The following OPCML variants were observed in gnomAD, a reference collection of about 807,000 sequenced individuals.
OPCML encodes the protein opioid-binding protein/cell adhesion molecule.
A neutral mutation model predicts 37.8 loss-of-function variants in OPCML; 13 were observed. That is an observed-to-expected ratio of 0.34 (90% CI 0.22 to 0.55). The LOEUF is 0.55. Among genes scored for constraint, OPCML ranks in the 20% least tolerant of loss-of-function variants. OPCML has a pLI of 0.91. For synonymous variants in OPCML, 176 were observed against 168.8 expected, an observed-to-expected ratio of 1.04 and a Z score of -0.33; for missense variants, 341 against 435.6, an observed-to-expected ratio of 0.78 and a Z score of 1.93.
chr11:133,003,845 G>C, intron 1 of OPCML: 1 of 985,390 alleles, frequency 1.0e-6, no homozygotes, highest in Non-Finnish European at 1.2e-6. Flanking sequence ...GAATAATGCA[G>C]ATCCTTGCCA....
chr11:132,705,355 C>T (rs1591490342), intron 2 of OPCML, among the ~76,000 whole-genome samples: 1 of 152,114 alleles, frequency 6.6e-6, no homozygotes, highest in Middle Eastern at 3.4e-3. Context: ...CTTTGGGAGG[C>T]TGAGGCAGGC....
intron 2 of OPCML, among the ~76,000 whole-genome samples, chr11:132,853,414 T>A (rs2136335208): frequency 6.6e-6 from 1 of 152,300 alleles, no homozygotes; most frequent in African/African-American, 2.4e-5. Flanking sequence ...TTTACAAAAT[T>A]GAGCATGGTA....
chr11:133,097,717 T>G (rs78945484), intron 1 of OPCML, among the ~76,000 whole-genome samples: 1,809 of 152,200 alleles, frequency 0.012, 18 homozygotes, highest in Non-Finnish European at 0.019. Context: ...ATTAAAAGGA[T>G]AGTAAAGAAA....
At chr11:133,271,928 T>A (rs1941851162) in intron 1 of OPCML, among the ~76,000 whole-genome samples, 1 of 152,232 alleles carries the variant, frequency 6.6e-6, no homozygotes, top group East Asian at 1.9e-4. Flanking sequence ...GCATCTGTGA[T>A]GCTCAGAGTC....
chr11:133,097,607 C>T (rs756351263), intron 1 of OPCML, among the ~76,000 whole-genome samples: 12 of 151,884 alleles, frequency 7.9e-5, no homozygotes, highest in East Asian at 1.9e-4. Flanking sequence ...ATCAATAAAA[C>T]GAATAAGCCT....
chr11:133,005,742 T>G, intron 1 of OPCML: 1 of 978,926 alleles, frequency 1.0e-6, no homozygotes. Context: ...TTAAAAAGCT[T>G]TTCTTTCTTT....
At chr11:133,307,311 T>C (rs1020590070) in intron 1 of OPCML, among the ~76,000 whole-genome samples, 14 of 152,092 alleles carry the variant, frequency 9.2e-5, no homozygotes, top group Admixed American at 4.6e-4. Context: ...CTCAAGAAGA[T>C]GAAATGGCAT....
intron 2 of OPCML, among the ~76,000 whole-genome samples, chr11:132,825,078 T>A (rs950477107): frequency 1.3e-5 from 2 of 152,226 alleles, no homozygotes; most frequent in African/African-American, 4.8e-5. Context: ...GATTTCATAA[T>A]ATCTTTTAAA....
At chr11:132,671,859 G>A (rs780816255) in intron 2 of OPCML, among the ~76,000 whole-genome samples, 32 of 152,170 alleles carry the variant, frequency 2.1e-4, no homozygotes, top group African/African-American at 6.7e-4. Flanking sequence ...AAAAGAAAAC[G>A]AGAAGAAATA....
At chr11:133,027,340 T>G (rs1947572732) in intron 1 of OPCML, among the ~76,000 whole-genome samples, 1 of 152,218 alleles carries the variant, frequency 6.6e-6, no homozygotes, top group South Asian at 2.1e-4. Flanking sequence ...CTGAGCAAAA[T>G]TTAGCTCTTA....
At chr11:133,140,898 C>G (rs376253251) in intron 1 of OPCML, among the ~76,000 whole-genome samples, 1 of 3,272 alleles carries the variant, frequency 3.1e-4, no homozygotes, top group African/African-American at 4.1e-4. Context: ...ACGACGAAGA[C>G]GACGACGACG....
chr11:132,647,558 T>C (rs1265061334), intron 3 of OPCML, among the ~76,000 whole-genome samples: 1 of 152,142 alleles, frequency 6.6e-6, no homozygotes, highest in African/African-American at 2.4e-5. Flanking sequence ...ATAAAGTAAA[T>C]TGGAGTAAAG....
chr11:133,518,067 A>T (rs73587666), intron 1 of OPCML, among the ~76,000 whole-genome samples: 1,641 of 152,266 alleles, frequency 0.011, 27 homozygotes, highest in African/African-American at 0.037. Context: ...ACCCCTCATA[A>T]GCAAAAAAAG....
At chr11:133,375,245 T>C (rs774821859) in intron 1 of OPCML, among the ~76,000 whole-genome samples, 11 of 152,244 alleles carry the variant, frequency 7.2e-5, no homozygotes, top group Non-Finnish European at 1.5e-4. Flanking sequence ...ATGTCGCGTA[T>C]GTAAGTTTGT....
At chr11:132,793,133 G>A (rs1018649538) in intron 2 of OPCML, among the ~76,000 whole-genome samples, 19 of 152,124 alleles carry the variant, frequency 1.2e-4, no homozygotes, top group African/African-American at 4.1e-4. Flanking sequence ...GGCCGCTTGC[G>A]TGTTGGCAGA....
At chr11:132,798,697 C>T (rs1489247726) in intron 2 of OPCML, among the ~76,000 whole-genome samples, 3 of 152,190 alleles carry the variant, frequency 2.0e-5, no homozygotes, top group Admixed American at 1.3e-4. Context: ...GAATTACAAA[C>T]GTTCTTTATG....
chr11:133,006,106 G>A, intron 1 of OPCML: 1 of 985,320 alleles, frequency 1.0e-6, no homozygotes, highest in Non-Finnish European at 1.2e-6. Context: ...TCTGGCATGG[G>A]GTCATTGTGA....
At chr11:132,540,712 G>A (rs2096354320) in intron 3 of OPCML, among the ~76,000 whole-genome samples, 1 of 152,150 alleles carries the variant, frequency 6.6e-6, no homozygotes. Context: ...ACATGCCAGG[G>A]GCTGGGTGAC....
chr11:133,226,268 T>A (rs1410893486), intron 1 of OPCML, among the ~76,000 whole-genome samples: 1 of 152,264 alleles, frequency 6.6e-6, no homozygotes, highest in African/African-American at 2.4e-5. Context: ...GGACACAGGG[T>A]TAACCTCATT....
Sources: gnomAD v4.1 joint callset for allele counts (sites outside exome capture counted in the v4.1 genomes callset) on GRCh38, gnomAD v4.1.1 for gene constraint, MANE v1.5 for transcripts, NCBI Gene and HGNC (gene_info 2026-07-23, HGNC 2026-07-21) for gene names.